WASF3: variants seen among roughly 807,000 people sequenced by gnomAD.
WASF3 encodes the protein actin-binding protein WASF3.
In WASF3, 11 loss-of-function variants were observed where a neutral mutation model predicts 46.6. That is an observed-to-expected ratio of 0.24 (90% confidence interval 0.15 to 0.39). The LOEUF is 0.39. WASF3 is among the 10% of genes least tolerant of loss of function. The pLI is 1.00. For missense variants in WASF3, 576 were observed against 669.8 expected (o/e 0.86, Z 1.55); for synonymous variants, 242 against 259.7 (o/e 0.93, Z 0.65).
intron 1 of WASF3, among the ~76,000 whole-genome samples, chr13:26,595,228 A>G (rs541804725): frequency 6.6e-6 from 1 of 152,266 alleles, no homozygotes; most frequent in Admixed American, 6.5e-5. Context: ...TTTCTGTCTG[A>G]TATTGTTTCC....
chr13:26,543,795 C>T, the WASF3 span, among the ~76,000 whole-genome samples: 1 of 152,174 alleles, frequency 6.6e-6, no homozygotes, highest in Non-Finnish European at 1.5e-5. Flanking sequence ...CCTCACTAAG[C>T]TTGACCTCTT....
intron 1 of WASF3, among the ~76,000 whole-genome samples, chr13:26,569,337 TTGTTGGGAA>T (rs1371608904): frequency 1.3e-5 from 2 of 152,204 alleles, no homozygotes; most frequent in African/African-American, 4.8e-5. Context: ...ATCTATCAGC[TTGTTGGGAA>T]AAGCAAGTTT....
chr13:26,674,778 A>G (rs1447212291), intron 6 of WASF3, among the ~76,000 whole-genome samples: 2 of 152,208 alleles, frequency 1.3e-5, no homozygotes, highest in African/African-American at 4.8e-5. Context: ...TAGAAGTTGA[A>G]TTGCTCTTAT....
chr13:26,574,261 T>C (rs796678652), intron 1 of WASF3, among the ~76,000 whole-genome samples: 46 of 152,344 alleles, frequency 3.0e-4, no homozygotes, highest in African/African-American at 1.0e-3. Context: ...GTTATATTGT[T>C]GAAATCATTT....
At chr13:26,639,761 C>T (rs1881937934) in intron 2 of WASF3, 1 of 152,226 alleles carries the variant, frequency 6.6e-6, no homozygotes, top group Non-Finnish European at 1.5e-5. Flanking sequence ...TTACAGTTCC[C>T]AAGAGGAGGG....
intron 2 of WASF3, among the ~76,000 whole-genome samples, chr13:26,618,194 A>T (rs1881194046): frequency 6.6e-6 from 1 of 152,226 alleles, no homozygotes; most frequent in South Asian, 2.1e-4. Flanking sequence ...TGTTAAAAAA[A>T]TTAATACTTT....
At chr13:26,553,239 A>T (rs143227461), upstream of WASF3, among the ~76,000 whole-genome samples, 14 of 152,240 alleles carry the variant, frequency 9.2e-5, no homozygotes, top group African/African-American at 3.4e-4. Context: ...ATACCTTGTC[A>T]CCAGTTTCCC....
chr13:26,677,637 A>G (rs1405999046), intron 7 of WASF3, among the ~76,000 whole-genome samples: 4 of 152,114 alleles, frequency 2.6e-5, no homozygotes, highest in South Asian at 2.1e-4. Flanking sequence ...CATTGGGAGG[A>G]TGTGAGGCAA....
intron 2 of WASF3, among the ~76,000 whole-genome samples, chr13:26,631,840 C>T (rs1881660946): frequency 6.6e-6 from 1 of 152,128 alleles, no homozygotes; most frequent in South Asian, 2.1e-4. Flanking sequence ...TGTCCTCTTT[C>T]ATTTTGTTGA....
chr13:26,613,768 C>G lies in WASF3; in HGVS notation c.-11+710C>G, dbSNP rs191364024. Among the ~76,000 whole-genome samples, 705 of 152,236 alleles carry G rather than the reference C, an allele frequency of 4.6e-3. 4 individuals carry two copies. Among genetic ancestry groups the G allele is most frequent in the Non-Finnish European group, 8.7e-3 (594 of 68,030 alleles). On this transcript the variant is annotated intron_variant, in intron 2 of 9. Transcript: ENST00000335327. ...CTGGCGACAGAGTGAGACTCCATCT[C>G]AAGAAAACCTCAAAAAACCAAAAGC...
At chr13:26,633,816 A>G (rs1436242782) in intron 2 of WASF3, among the ~76,000 whole-genome samples, 1 of 152,182 alleles carries the variant, frequency 6.6e-6, no homozygotes, top group Non-Finnish European at 1.5e-5. Context: ...GAGTTTCTTA[A>G]TCCTGAGTTC....
Position 26,612,208 on chromosome 13 carries a change from T to C in WASF3, c.-108-753T>C, listed in dbSNP as rs985968719. Among the ~76,000 whole-genome samples the C allele has an allele frequency of 2.0e-5, 3 of 152,344 alleles. No homozygotes were observed. The East Asian group carries it at 5.8e-4, about 29-fold the overall frequency. Reference sequence around the variant, plus strand: ...TATTCATTTTTATGTGTTCAGTGTTTAAAGAGGGGCTGACTTCTACAAGAT... The same window carrying C: ...TATTCATTTTTATGTGTTCAGTGTTCAAAGAGGGGCTGACTTCTACAAGAT... On this transcript the variant is annotated intron_variant, in intron 1 of 9. Transcript: ENST00000335327.
At chr13:26,656,269 C>T (rs960695291) in intron 3 of WASF3, among the ~76,000 whole-genome samples, 1 of 152,078 alleles carries the variant, frequency 6.6e-6, no homozygotes. Flanking sequence ...TTCTTTTAAG[C>T]TATTCGTGTC....
intron 1 of WASF3, among the ~76,000 whole-genome samples, chr13:26,573,908 T>C (rs561627145): frequency 1.1e-4 from 16 of 152,316 alleles, no homozygotes; most frequent in African/African-American, 3.4e-4. Flanking sequence ...CAGAAATAAA[T>C]CATTATTATG....
rs1468318539 is a variant in WASF3 at position 26,685,679 on chromosome 13, T to G, written c.1352-9T>G. 6.2e-7 allele frequency: 1 copy of G among 1,613,478 alleles called. No homozygotes were observed. The highest frequency in any genetic ancestry group is 8.5e-7 in the Non-Finnish European group (1 of 1,179,520). On this transcript the variant is annotated splice_polypyrimidine_tract_variant and intron_variant, in intron 9 of 9. Coordinates refer to ENST00000335327, the MANE Select transcript of WASF3 (RefSeq NM_006646.6). ...GGATGTGATTCTGAACCACGTGTTGTGTCTGCAGGAATTCAACTGAAAAAG... is the reference window on the plus strand; with the variant it reads ...GGATGTGATTCTGAACCACGTGTTGGGTCTGCAGGAATTCAACTGAAAAAG...
At chr13:26,668,114 G>C (rs933336601) in intron 5 of WASF3, among the ~76,000 whole-genome samples, 3 of 152,162 alleles carry the variant, frequency 2.0e-5, no homozygotes, top group Admixed American at 2.0e-4. Context: ...TGTAGTGTTA[G>C]GGGTTTTGAA....
chr13:26,588,928 G>T (rs1566043491), intron 1 of WASF3, among the ~76,000 whole-genome samples: 3 of 152,052 alleles, frequency 2.0e-5, no homozygotes, highest in African/African-American at 4.8e-5. Flanking sequence ...CTCCCAAGTG[G>T]CTGGGGCCAC....
chr13:26,597,209 TGCAACCTCTG>T (rs1267367528), intron 1 of WASF3, among the ~76,000 whole-genome samples: 1 of 152,214 alleles, frequency 6.6e-6, no homozygotes, highest in African/African-American at 2.4e-5. Context: ...CTCATCCCAC[TGCAACCTCTG>T]CCTCCTGGCT....
At chr13:26,596,587 C>T (rs1353059906) in intron 1 of WASF3, among the ~76,000 whole-genome samples, 1 of 152,054 alleles carries the variant, frequency 6.6e-6, no homozygotes, top group African/African-American at 2.4e-5. Context: ...TGGTTTTTAG[C>T]AATTTGGCTA....
Sources: allele counts gnomAD v4.1 joint callset (sites outside exome capture counted in the v4.1 genomes callset), GRCh38; gene constraint gnomAD v4.1.1; transcripts MANE v1.5; gene names NCBI Gene and HGNC (gene_info 2026-07-23, HGNC 2026-07-21).